Variants in MACROD2 observed in about 807,000 individuals in gnomAD.
MACROD2 encodes the protein mono-ADP ribosylhydrolase 2.
A neutral mutation model predicts 70.4 loss-of-function variants in MACROD2; 36 were observed. The observed-to-expected ratio is 0.51, with a 90% CI of 0.39 to 0.68. MACROD2 has a LOEUF of 0.68. Ranked by LOEUF, MACROD2 falls within the 30% of genes least tolerant of loss-of-function variation. MACROD2 has a pLI of 0.00. For missense variants in MACROD2, 496 were observed against 538.4 expected, an observed-to-expected ratio of 0.92 and a Z score of 0.78; for synonymous variants, 172 against 178.8, an observed-to-expected ratio of 0.96 and a Z score of 0.30.
chr20:15,984,883 C>T (rs894092604), intron 13 of MACROD2, among the ~76,000 whole-genome samples: 1 of 152,106 alleles, frequency 6.6e-6, no homozygotes, highest in African/African-American at 2.4e-5. Context: ...TCTTTCCTTG[C>T]CTCTGCCAGC....
At chr20:15,551,207 A>G (rs1390889221) in intron 8 of MACROD2, among the ~76,000 whole-genome samples, 6 of 152,052 alleles carry the variant, frequency 3.9e-5, no homozygotes, top group Non-Finnish European at 7.4e-5. Context: ...GCTTAGGGCT[A>G]CTGGGTATCT....
intron 15 of MACROD2, among the ~76,000 whole-genome samples, chr20:16,025,287 C>T (rs111568790): frequency 0.011 from 1,682 of 152,196 alleles, 33 homozygotes; most frequent in African/African-American, 0.039. Flanking sequence ...AGAATGAAGT[C>T]AGCTTGACAA....
chr20:14,127,566 A>G, intron 3 of MACROD2: 1 of 474,918 alleles, frequency 2.1e-6, no homozygotes, highest in Non-Finnish European at 3.9e-6. Flanking sequence ...GAGGGAAGAG[A>G]AGAAACTTTG....
chr20:14,067,843 C>T (rs141318649), intron 2 of MACROD2, among the ~76,000 whole-genome samples: 178 of 152,282 alleles, frequency 1.2e-3, no homozygotes, highest in African/African-American at 3.9e-3. Flanking sequence ...TGACTCAGCA[C>T]ATGGGTTCTA....
chr20:14,009,924 G>C (rs552300094), intron 2 of MACROD2, among the ~76,000 whole-genome samples: 74 of 152,288 alleles, frequency 4.9e-4, no homozygotes, highest in African/African-American at 1.7e-3. Flanking sequence ...AGAATGATGA[G>C]AACACATGGA....
chr20:14,610,893 G>A (rs982207443), intron 4 of MACROD2, among the ~76,000 whole-genome samples: 4 of 152,012 alleles, frequency 2.6e-5, no homozygotes, highest in African/African-American at 7.2e-5. Flanking sequence ...TGTTAGCTTG[G>A]TTTATAATTC....
chr20:14,772,863 C>G (rs1568787767), intron 5 of MACROD2, among the ~76,000 whole-genome samples: 2 of 151,998 alleles, frequency 1.3e-5, no homozygotes, highest in Admixed American at 6.5e-5. Context: ...AAAAGAAAAA[C>G]TGACTAAAAA....
intron 3 of MACROD2, among the ~76,000 whole-genome samples, chr20:14,294,636 C>T (rs557278505): frequency 5.3e-5 from 8 of 151,858 alleles, no homozygotes; most frequent in South Asian, 2.1e-4. Flanking sequence ...TACGGCATAA[C>T]GTGTATATCA....
intron 5 of MACROD2, among the ~76,000 whole-genome samples, chr20:14,707,168 A>T (rs2071279435): frequency 1.3e-5 from 2 of 152,142 alleles, no homozygotes; most frequent in African/African-American, 4.8e-5. Flanking sequence ...ATCTCCTAAA[A>T]GGCTGGGATG....
intron 5 of MACROD2, among the ~76,000 whole-genome samples, chr20:14,797,425 A>G (rs1340899380): frequency 2.0e-5 from 3 of 150,562 alleles, no homozygotes; most frequent in Admixed American, 6.6e-5. Flanking sequence ...CTCTGTCCCC[A>G]CTCTCTCTCT....
chr20:16,014,785 C>T (rs1442606055), intron 15 of MACROD2, among the ~76,000 whole-genome samples: 4 of 152,122 alleles, frequency 2.6e-5, no homozygotes, highest in East Asian at 1.9e-4. Flanking sequence ...GTAAAGACCC[C>T]GCTCTCACCT....
chr20:15,306,014 TG>T (rs1168795101), intron 6 of MACROD2, among the ~76,000 whole-genome samples: 11 of 152,234 alleles, frequency 7.2e-5, no homozygotes, highest in Non-Finnish European at 1.6e-4. Context: ...TCTTCTTAAT[TG>T]CTTCCTATCA....
intron 3 of MACROD2, among the ~76,000 whole-genome samples, chr20:14,108,105 G>T (rs1420515815): frequency 1.3e-5 from 2 of 151,838 alleles, no homozygotes; most frequent in African/African-American, 4.8e-5. Context: ...ACAACAAAAA[G>T]TTAAAAAGTG....
intron 8 of MACROD2, among the ~76,000 whole-genome samples, chr20:15,723,521 A>G (rs1045823780): frequency 6.6e-6 from 1 of 152,184 alleles, no homozygotes; most frequent in African/African-American, 2.4e-5. Flanking sequence ...AGAATGTCAT[A>G]TAGTTGGAAT....
intron 8 of MACROD2, among the ~76,000 whole-genome samples, chr20:15,505,247 A>T (rs1274751048): frequency 1.3e-5 from 2 of 152,176 alleles, no homozygotes; most frequent in East Asian, 3.9e-4. Flanking sequence ...ATCCTACAGC[A>T]CATAGCACCA....
chr20:14,668,328 A>G (rs2070758524), intron 4 of MACROD2, among the ~76,000 whole-genome samples: 1 of 152,174 alleles, frequency 6.6e-6, no homozygotes, highest in South Asian at 2.1e-4. Context: ...TTTGGACCCA[A>G]TGACTGGGCC....
At chr20:15,339,243 T>G (rs1049413844) in intron 6 of MACROD2, among the ~76,000 whole-genome samples, 2 of 151,902 alleles carry the variant, frequency 1.3e-5, no homozygotes, top group African/African-American at 4.9e-5. Flanking sequence ...GTATATAGTG[T>G]TAATAGAATT....
intron 2 of MACROD2, among the ~76,000 whole-genome samples, chr20:14,023,995 T>C (rs2053123546): frequency 6.6e-6 from 1 of 152,228 alleles, no homozygotes; most frequent in Non-Finnish European, 1.5e-5. Flanking sequence ...TTGGGTAGTA[T>C]GGCCATTTTC....
At chr20:14,043,179 C>T (rs1247500423) in intron 2 of MACROD2, among the ~76,000 whole-genome samples, 1 of 152,166 alleles carries the variant, frequency 6.6e-6, no homozygotes, top group Non-Finnish European at 1.5e-5. Context: ...CTTGGCCTTC[C>T]AAAGTGCTGG....
Sources: allele counts gnomAD v4.1 joint callset (sites outside exome capture counted in the v4.1 genomes callset), GRCh38; gene constraint gnomAD v4.1.1; transcripts MANE v1.5; gene names NCBI Gene and HGNC (gene_info 2026-07-23, HGNC 2026-07-21).